CAST: variants seen among roughly 807,000 people sequenced by gnomAD.
The protein encoded by CAST is MIR583 host.
Under a neutral mutation model 119.6 loss-of-function variants are expected in CAST, and 76 were observed. The ratio of observed to expected loss-of-function variants is 0.64; its 90% CI spans 0.53 to 0.77. The LOEUF (loss-of-function observed/expected upper bound fraction) is 0.77, where lower values mean the gene tolerates loss of function less well. CAST is among the 30% of genes least tolerant of loss of function. The pLI, the probability that CAST is intolerant of heterozygous loss-of-function variation, is 0.00. For missense variants in CAST, 953 were observed against 946.5 expected (o/e 1.01, Z -0.09); for synonymous variants, 319 against 331.6 (o/e 0.96, Z 0.41).
chr5:96,653,557 C>A (rs752015425), intron 1 of CAST, among the ~76,000 whole-genome samples: 6 of 152,106 alleles, frequency 3.9e-5, no homozygotes, highest in Non-Finnish European at 7.4e-5. Context: ...AATAAAACCT[C>A]GTAACATTGC....
rs557142984 is a variant in CAST at position 96,702,815 on chromosome 5, G to A, written c.210+6908G>A. 2.7e-4 allele frequency: 269 copies of A among 985,440 alleles called. No individual in the cohort carries two copies. In the African/African-American group the frequency reaches 4.4e-3, roughly 16 times the overall value. 61.0% of individuals were successfully genotyped at this position (985,440 alleles called of 1,614,324 possible). ...CCGCCCCGTCGCACTCAGAGAGCTGGGCTGGAGCTCCAAGCGGAAACCGCG... is the reference window on the plus strand; with the variant it reads ...CCGCCCCGTCGCACTCAGAGAGCTGAGCTGGAGCTCCAAGCGGAAACCGCG... On this transcript the variant is annotated intron_variant, in intron 3 of 31. Transcript: ENST00000675179.
the CAST span, among the ~76,000 whole-genome samples, chr5:96,172,710 C>G: frequency 2.0e-5 from 3 of 152,068 alleles, no homozygotes; most frequent in African/African-American, 7.2e-5. Flanking sequence ...CAAACAGATC[C>G]CTCTCTAGTT....
chr5:96,701,837 T>A (rs185661062), intron 3 of CAST, among the ~76,000 whole-genome samples: 1 of 151,844 alleles, frequency 6.6e-6, no homozygotes, highest in African/African-American at 2.4e-5. Flanking sequence ...GGACAGGGTC[T>A]TCTGCTCTGG....
At chr5:96,702,585 A>G (rs1007695694) in intron 3 of CAST, among the ~76,000 whole-genome samples, 1 of 152,184 alleles carries the variant, frequency 6.6e-6, no homozygotes, top group Non-Finnish European at 1.5e-5. Flanking sequence ...AGGGAGCGGT[A>G]ACCTGTAATC....
At chr5:96,000,713 T>A in the CAST span, among the ~76,000 whole-genome samples, 1 of 152,212 alleles carries the variant, frequency 6.6e-6, no homozygotes, top group Non-Finnish European at 1.5e-5. Context: ...GACCTATATA[T>A]GTTAGCCTAG....
chr5:96,265,824 C>T, the CAST span, among the ~76,000 whole-genome samples: 3 of 152,110 alleles, frequency 2.0e-5, no homozygotes, highest in Non-Finnish European at 2.9e-5. Context: ...TTGCCATCTA[C>T]AAATAAATTT....
At chr5:96,625,257 TTATTC>T (rs1747698900) in intron 1 of CAST, among the ~76,000 whole-genome samples, 3 of 152,298 alleles carry the variant, frequency 2.0e-5, no homozygotes, top group Admixed American at 2.0e-4. Context: ...TTGTTAAATT[TTATTC>T]TCTCTCTTTC....
chr5:96,437,102 A>G, the CAST span, among the ~76,000 whole-genome samples: 372 of 152,350 alleles, frequency 2.4e-3, 2 homozygotes, highest in Non-Finnish European at 3.4e-3. Context: ...CTTGAGGGAC[A>G]TCTTTAATTC....
At chr5:96,617,129 A>G (rs1275657152) in intron 1 of CAST, among the ~76,000 whole-genome samples, 1 of 152,098 alleles carries the variant, frequency 6.6e-6, no homozygotes, top group Non-Finnish European at 1.5e-5. Context: ...AAAAATTCCC[A>G]AGTTGATTTT....
chr5:96,211,544 A>G, the CAST span, among the ~76,000 whole-genome samples: 1 of 152,036 alleles, frequency 6.6e-6, no homozygotes, highest in African/African-American at 2.4e-5. Context: ...CTATTTGCTT[A>G]TATATTCTTA....
chr5:96,166,469 C>G, the CAST span, among the ~76,000 whole-genome samples: 1 of 152,178 alleles, frequency 6.6e-6, no homozygotes, highest in Admixed American at 6.5e-5. Flanking sequence ...TGCCCTTCAG[C>G]TCACATCTCG....
the CAST span, among the ~76,000 whole-genome samples, chr5:96,303,231 C>T: frequency 2.4e-4 from 37 of 152,238 alleles, no homozygotes; most frequent in South Asian, 1.2e-3. Context: ...CACTCACTAT[C>T]GTAAGAACAA....
the CAST span, among the ~76,000 whole-genome samples, chr5:96,518,800 G>T: frequency 6.6e-6 from 1 of 152,092 alleles, no homozygotes; most frequent in Non-Finnish European, 1.5e-5. Context: ...GGATCATGGG[G>T]TCAGGAGTTC....
chr5:96,137,016 G>A, the CAST span, among the ~76,000 whole-genome samples: 4,165 of 152,170 alleles, frequency 0.027, 185 homozygotes, highest in African/African-American at 0.096. Context: ...GTCACATTCT[G>A]CAGGCTATCC....
the CAST span, among the ~76,000 whole-genome samples, chr5:96,313,904 T>C: frequency 1.3e-5 from 2 of 152,188 alleles, no homozygotes; most frequent in Admixed American, 1.3e-4. Flanking sequence ...ATTGAAGGTG[T>C]ATCAGACATC....
the CAST span, among the ~76,000 whole-genome samples, chr5:96,477,760 G>A: frequency 6.6e-5 from 10 of 152,152 alleles, no homozygotes; most frequent in African/African-American, 1.4e-4. Context: ...TGCAAGTGCC[G>A]TGTTGGAACT....
chr5:96,167,712 G>A, the CAST span, among the ~76,000 whole-genome samples: 2 of 152,188 alleles, frequency 1.3e-5, no homozygotes, highest in African/African-American at 4.8e-5. Flanking sequence ...TCTGACAGAA[G>A]GGAAGAAATG....
chr5:96,768,275 G>T, intron 29 of CAST: 2 of 424,134 alleles, frequency 4.7e-6, no homozygotes, highest in South Asian at 4.2e-5. Flanking sequence ...TGTAGAGAGG[G>T]GGTTTCGCCA....
chr5:96,436,101 A>T, the CAST span, among the ~76,000 whole-genome samples: 1 of 152,232 alleles, frequency 6.6e-6, no homozygotes, highest in Non-Finnish European at 1.5e-5. Context: ...TCCAGTTATC[A>T]TGTAGACTTG....
Sources: gnomAD v4.1 joint callset for allele counts (sites outside exome capture counted in the v4.1 genomes callset) on GRCh38, gnomAD v4.1.1 for gene constraint, MANE v1.5 for transcripts, NCBI Gene and HGNC (gene_info 2026-07-23, HGNC 2026-07-21) for gene names.